The following SGCD variants were observed in gnomAD, a reference collection of about 807,000 sequenced individuals.
The protein encoded by SGCD is delta-sarcoglycan.
In SGCD, 18 loss-of-function variants were observed where a neutral mutation model predicts 36.6. The ratio of observed to expected loss-of-function variants is 0.49; its 90% CI spans 0.34 to 0.73. The LOEUF is 0.73. Among genes scored for constraint, SGCD ranks in the 30% least tolerant of loss-of-function variants. The pLI is 0.01. For synonymous variants in SGCD, 133 were observed against 130.6 expected (o/e 1.02, Z -0.12); for missense variants, 387 against 346.7 (o/e 1.12, Z -0.92).
intron 7 of SGCD, among the ~76,000 whole-genome samples, chr5:156,704,788 C>A (rs139037176): frequency 3.9e-4 from 60 of 151,924 alleles, no homozygotes; most frequent in African/African-American, 1.4e-3. Context: ...ATTAGCTGCA[C>A]ATTTTCCCTC....
At chr5:156,319,659 A>G (rs906181629) in intron 3 of SGCD, among the ~76,000 whole-genome samples, 9 of 152,194 alleles carry the variant, frequency 5.9e-5, no homozygotes, top group Non-Finnish European at 1.3e-4. Context: ...TAGAATCACA[A>G]TCTTTGCCCT....
chr5:156,554,462 A>G (rs1400445362), intron 4 of SGCD, among the ~76,000 whole-genome samples: 3 of 151,312 alleles, frequency 2.0e-5, no homozygotes, highest in Admixed American at 2.0e-4. Context: ...ATGTGTTACT[A>G]TGCCTAATTT....
At chr5:156,235,685 T>C (rs1404337711) in intron 3 of SGCD, among the ~76,000 whole-genome samples, 1 of 152,246 alleles carries the variant, frequency 6.6e-6, no homozygotes, top group Non-Finnish European at 1.5e-5. Context: ...AATTACATAC[T>C]TTAGTCTTAG....
intron 7 of SGCD, among the ~76,000 whole-genome samples, chr5:156,671,945 G>A (rs1487071582): frequency 6.6e-6 from 1 of 152,132 alleles, no homozygotes; most frequent in Non-Finnish European, 1.5e-5. Flanking sequence ...CAGCTCCCAT[G>A]TGAAATAATA....
chr5:155,821,931 T>C, the SGCD span, among the ~76,000 whole-genome samples: 2 of 152,322 alleles, frequency 1.3e-5, no homozygotes, highest in Admixed American at 1.3e-4. Context: ...TATATGATGG[T>C]TACTACATGC....
At chr5:155,812,103 T>C in the SGCD span, among the ~76,000 whole-genome samples, 1 of 152,206 alleles carries the variant, frequency 6.6e-6, no homozygotes, top group Non-Finnish European at 1.5e-5. Flanking sequence ...GACGTGAAGC[T>C]AGACAACCGG....
chr5:156,092,763 C>A (rs1051014120), intron 1 of SGCD, among the ~76,000 whole-genome samples: 1 of 152,206 alleles, frequency 6.6e-6, no homozygotes, highest in Admixed American at 6.5e-5. Context: ...TAATTTATAG[C>A]AGGTCATATC....
At chr5:156,308,452 C>G (rs146645262) in intron 3 of SGCD, among the ~76,000 whole-genome samples, 6,352 of 152,230 alleles carry the variant, frequency 0.042, 173 homozygotes, top group Middle Eastern at 0.085. Flanking sequence ...GTGTCTGCCA[C>G]TACGCCTGGC....
At chr5:155,960,334 C>G (rs910999421) in intron 1 of SGCD, among the ~76,000 whole-genome samples, 3 of 152,034 alleles carry the variant, frequency 2.0e-5, no homozygotes, top group Admixed American at 2.0e-4. Flanking sequence ...AACATTTATC[C>G]ACATCTGGGT....
At chr5:156,459,807 C>T (rs1754407692) in intron 3 of SGCD, among the ~76,000 whole-genome samples, 1 of 152,176 alleles carries the variant, frequency 6.6e-6, no homozygotes, top group South Asian at 2.1e-4. Flanking sequence ...CATTTACCTC[C>T]TGTTTCCTTC....
intron 1 of SGCD, among the ~76,000 whole-genome samples, chr5:156,031,451 A>C (rs1327630293): frequency 6.6e-6 from 1 of 152,098 alleles, no homozygotes; most frequent in East Asian, 1.9e-4. Context: ...AGGACTTGGC[A>C]TCTCATCGAA....
chr5:156,145,841 G>A (rs927981402), intron 3 of SGCD, among the ~76,000 whole-genome samples: 1 of 151,988 alleles, frequency 6.6e-6, no homozygotes, highest in African/African-American at 2.4e-5. Flanking sequence ...AACTATATAA[G>A]GAAATAATGT....
At chr5:156,606,512 T>C (rs1201874842) in intron 6 of SGCD, among the ~76,000 whole-genome samples, 1 of 152,244 alleles carries the variant, frequency 6.6e-6, no homozygotes, top group African/African-American at 2.4e-5. Flanking sequence ...TAGCTTAGGA[T>C]TGACTTGGCA....
chr5:156,522,898 C>G (rs935651430), intron 4 of SGCD, among the ~76,000 whole-genome samples: 6 of 152,062 alleles, frequency 3.9e-5, no homozygotes, highest in Admixed American at 2.0e-4. Flanking sequence ...TGAGAAATAT[C>G]TGTACACTTT....
chr5:156,595,328 G>A (rs1022617025), intron 6 of SGCD, among the ~76,000 whole-genome samples: 1 of 152,038 alleles, frequency 6.6e-6, no homozygotes, highest in African/African-American at 2.4e-5. Context: ...TCTGCAACCT[G>A]GAATAGGAGC....
At chr5:156,207,419 A>G (rs944980779) in intron 3 of SGCD, among the ~76,000 whole-genome samples, 1 of 152,142 alleles carries the variant, frequency 6.6e-6, no homozygotes, top group Non-Finnish European at 1.5e-5. Context: ...AGGCTAGTTG[A>G]TCTCTAATGT....
At position 156,073,261 on chromosome 5, in the gene SGCD, A is replaced by G. The variant is rs184591804; in HGVS notation, c.-281-44617A>G. ...CTGTATCTTACCTGATTTCCCCTCTATTATATCATACTCTCTCACCCAGGC... is the reference window on the plus strand; with the variant it reads ...CTGTATCTTACCTGATTTCCCCTCTGTTATATCATACTCTCTCACCCAGGC... On this transcript the variant is annotated intron_variant, in intron 1 of 9. Coordinates refer to the SGCD transcript ENST00000517913. Among the ~76,000 whole-genome samples, 92 of 152,184 alleles carry G rather than the reference A, an allele frequency of 6.0e-4. 1 individual carries two copies. Among genetic ancestry groups the G allele is most frequent in the African/African-American group, 2.1e-3 (87 of 41,534 alleles).
intron 3 of SGCD, among the ~76,000 whole-genome samples, chr5:156,190,771 T>C (rs1228818372): frequency 6.6e-6 from 1 of 152,094 alleles, no homozygotes; most frequent in African/African-American, 2.4e-5. Flanking sequence ...CACTTCAAAG[T>C]ACCCTATTTT....
At chr5:156,388,086 G>T (rs1208495529) in intron 3 of SGCD, among the ~76,000 whole-genome samples, 1 of 152,130 alleles carries the variant, frequency 6.6e-6, no homozygotes, top group Admixed American at 6.5e-5. Context: ...GTGTAAGTTG[G>T]ATTTCACATT....
Sources: gnomAD v4.1 joint callset for allele counts (sites outside exome capture counted in the v4.1 genomes callset) on GRCh38, gnomAD v4.1.1 for gene constraint, MANE v1.5 for transcripts, NCBI Gene and HGNC (gene_info 2026-07-23, HGNC 2026-07-21) for gene names.